GNA12: variants seen among roughly 807,000 people sequenced by gnomAD.
The protein encoded by GNA12 is G protein subunit alpha 12, also known as guanine nucleotide-binding protein subunit alpha-12.
GNA12 carries 9 observed loss-of-function variants against 26.0 expected under a neutral mutation model. That is an observed-to-expected ratio of 0.35 (90% CI 0.21 to 0.60). The LOEUF (loss-of-function observed/expected upper bound fraction) is 0.60. Ranked by LOEUF, GNA12 falls within the 20% of genes least tolerant of loss-of-function variation. The probability of loss-of-function intolerance (pLI) is 0.78; values close to 1 mark genes in which losing one functional copy is unlikely to be tolerated. For synonymous variants in GNA12, 264 were observed against 219.6 expected (o/e 1.20, Z -1.79); for missense variants, 405 against 525.8 (o/e 0.77, Z 2.25).
chr7:2,743,657 T>A (rs1328070101), intron 2 of GNA12, among the ~76,000 whole-genome samples: 1 of 151,898 alleles, frequency 6.6e-6, no homozygotes, highest in Non-Finnish European at 1.5e-5. Flanking sequence ...AGGTACCGGG[T>A]TCATCTCACT....
intron 1 of GNA12, among the ~76,000 whole-genome samples, chr7:2,813,885 A>G (rs1028756231): frequency 1.3e-5 from 2 of 152,112 alleles, no homozygotes; most frequent in African/African-American, 4.8e-5. Flanking sequence ...TGACATTAGG[A>G]TTAGGACAGT....
intron 1 of GNA12, among the ~76,000 whole-genome samples, chr7:2,820,946 G>C (rs1423483023): frequency 3.9e-5 from 6 of 152,190 alleles, no homozygotes; most frequent in Non-Finnish European, 5.9e-5. Context: ...TCACTATGTT[G>C]CTCAGGCTGG....
At chr7:2,792,125 G>A (rs1792535919) in intron 2 of GNA12, among the ~76,000 whole-genome samples, 1 of 152,304 alleles carries the variant, frequency 6.6e-6, no homozygotes, top group South Asian at 2.1e-4. Context: ...TGCACGTCTA[G>A]ATTAAAAGCT....
chr7:2,837,888 A>G lies in GNA12; in HGVS notation c.309+5965T>C, dbSNP rs574856205. Among the ~76,000 whole-genome samples the G allele has an allele frequency of 2.6e-5, 4 of 152,298 alleles. No individual in the cohort carries two copies. In the East Asian group the frequency reaches 7.7e-4, roughly 29 times the overall value. On this transcript the variant is annotated intron_variant, in intron 1 of 3. Transcript: ENST00000275364. Reference sequence around the variant, plus strand: ...TTCAGTCAAAAGGGGGGAAAAGATAATATAATCTCCTACTCCTAATGAGTT... The same window carrying G: ...TTCAGTCAAAAGGGGGGAAAAGATAGTATAATCTCCTACTCCTAATGAGTT...
rs188671874 is a variant in GNA12, at chr7:2,806,200, C to T, written c.310-11057G>A. 4.3e-3 allele frequency among the ~76,000 whole-genome samples: 650 copies of T among 152,176 alleles called. 6 individuals carry two copies. Among genetic ancestry groups the T allele is most frequent in the African/African-American group, 0.015 (618 of 41,538 alleles). On this transcript the variant is annotated intron_variant, in intron 1 of 3. Transcript: ENST00000275364. The stretch of plus-strand genomic sequence containing the variant: ...CATATCTAAAAGAATTTGTCTTGGT[C>T]GGGGGCGGTGGCTCACGCCTGTAAT...
chr7:2,791,183 CAA>C (rs1792508754), intron 2 of GNA12, among the ~76,000 whole-genome samples: 1 of 152,112 alleles, frequency 6.6e-6, no homozygotes, highest in Non-Finnish European at 1.5e-5. Flanking sequence ...TACCGATGAC[CAA>C]AGTCTTTCTG....
In GNA12 at chr7:2,810,240, C is replaced by T. The variant is rs1202179779; in HGVS notation, c.310-15097G>A. On this transcript the variant is annotated intron_variant, in intron 1 of 3. Coordinates refer to ENST00000275364, the MANE Select transcript of GNA12 (RefSeq NM_007353.3). ...TGTCTGGTGAGGGCCCACTTTCTGG[C>T]TCCTAGACGGTGATTTCTCACTGTG... Among the ~76,000 whole-genome samples, 9 of 152,286 alleles carry T rather than the reference C, an allele frequency of 5.9e-5. No individual in the cohort carries two copies. The South Asian group carries it at 1.9e-3, about 32-fold the overall frequency.
rs1017086503 is a variant in GNA12, at chr7:2,740,581, C to A, written c.526-7080G>T. Among the ~76,000 whole-genome samples the A allele has an allele frequency of 2.6e-5, 4 of 152,114 alleles. No individual in the cohort carries two copies. In the East Asian group the frequency reaches 5.8e-4, roughly 22 times the overall value. On this transcript the variant is annotated intron_variant, in intron 2 of 3. Coordinates refer to ENST00000275364, the MANE Select transcript of GNA12 (RefSeq NM_007353.3). ...AGTATTTTGTTATGGCAGCTTGAGC[C>A]GACAAATATAATTATGAACTTGTGG...
intron 1 of GNA12, among the ~76,000 whole-genome samples, chr7:2,797,670 A>G (rs1203069798): frequency 6.6e-6 from 1 of 152,128 alleles, no homozygotes; most frequent in Non-Finnish European, 1.5e-5. Flanking sequence ...GCCTTGAACC[A>G]CTGAGTCAGA....
chr7:2,840,231 G>A (rs1231907637), intron 1 of GNA12, among the ~76,000 whole-genome samples: 1 of 152,126 alleles, frequency 6.6e-6, no homozygotes, highest in Non-Finnish European at 1.5e-5. Flanking sequence ...CAACTGCATA[G>A]GACTCCAGAA....
chr7:2,752,049 G>A (rs1791066975), intron 2 of GNA12, among the ~76,000 whole-genome samples: 1 of 151,974 alleles, frequency 6.6e-6, no homozygotes, highest in Non-Finnish European at 1.5e-5. Flanking sequence ...TATCAAAAAA[G>A]AAAAATTACA....
At chr7:2,837,373 G>GTA (rs1362546393) in intron 1 of GNA12, among the ~76,000 whole-genome samples, 1 of 152,230 alleles carries the variant, frequency 6.6e-6, no homozygotes, top group Non-Finnish European at 1.5e-5. Context: ...GCTAACAGCC[G>GTA]TATGTCAGAG....
At chr7:2,768,228 A>AT (rs1236864300) in intron 2 of GNA12, among the ~76,000 whole-genome samples, 3 of 152,204 alleles carry the variant, frequency 2.0e-5, no homozygotes, top group Admixed American at 2.0e-4. Flanking sequence ...ATTGAGTTAG[A>AT]TTAGGTTTTG....
At position 2,730,998 on chromosome 7, in the gene GNA12, A is replaced by G. The variant is rs114013948; in HGVS notation, c.*183T>C. ...CCCAGGATTCAGTAGCTAACGTGAC[A>G]GTTTCCATGTCCTTTTGCCTAGAGC... On this transcript the variant is annotated 3_prime_UTR_variant, in exon 4 of 4. Coordinates refer to ENST00000275364, the MANE Select transcript of GNA12 (RefSeq NM_007353.3). The G allele has an allele frequency of 5.6e-6, 3 of 534,250 alleles. No individual in the cohort carries two copies. The Admixed American group carries it at 9.3e-5, about 17-fold the overall frequency. The allele number at this position is 534,250 out of a possible 1,614,324, so 33.1% of individuals were successfully genotyped here.
At chr7:2,742,565 G>A (rs1487694226) in intron 2 of GNA12, among the ~76,000 whole-genome samples, 1 of 152,124 alleles carries the variant, frequency 6.6e-6, no homozygotes, top group Non-Finnish European at 1.5e-5. Flanking sequence ...GCTTACTTTG[G>A]TGCTCAAAGT....
chr7:2,736,774 C>G (rs1238795530), intron 2 of GNA12, among the ~76,000 whole-genome samples: 1 of 152,246 alleles, frequency 6.6e-6, no homozygotes, highest in Non-Finnish European at 1.5e-5. Flanking sequence ...ACTCCGTCAG[C>G]ACCGTCAGGC....
chr7:2,781,451 G>T (rs1470150943), intron 2 of GNA12, among the ~76,000 whole-genome samples: 2 of 69,442 alleles, frequency 2.9e-5, no homozygotes, highest in Non-Finnish European at 6.6e-5. Context: ...TGTGTGTGTA[G>T]GGTACAATTT....
At chr7:2,740,466 G>A (rs1790443887) in intron 2 of GNA12, among the ~76,000 whole-genome samples, 2 of 152,164 alleles carry the variant, frequency 1.3e-5, no homozygotes, top group Non-Finnish European at 2.9e-5. Context: ...TCCCTCACCA[G>A]AACCTGATGG....
At chr7:2,738,435 A>T (rs1790324073) in intron 2 of GNA12, among the ~76,000 whole-genome samples, 1 of 152,196 alleles carries the variant, frequency 6.6e-6, no homozygotes, top group African/African-American at 2.4e-5. Context: ...GGCGAAGGAG[A>T]AGAGCTCCGT....
Sources: allele counts gnomAD v4.1 joint callset (sites outside exome capture counted in the v4.1 genomes callset), GRCh38; gene constraint gnomAD v4.1.1; transcripts MANE v1.5; gene names NCBI Gene and HGNC (gene_info 2026-07-23, HGNC 2026-07-21).